The following PCCA variants were observed in gnomAD, a reference collection of about 807,000 sequenced individuals.
PCCA encodes the protein propionyl-CoA carboxylase subunit alpha, also known as propionyl-CoA carboxylase alpha chain, mitochondrial.
PCCA carries 74 observed loss-of-function variants against 101.3 expected under a neutral mutation model. The observed-to-expected ratio is 0.73, with a 90% CI of 0.61 to 0.89. The LOEUF is 0.89. Ranked by LOEUF, PCCA falls within the 40% of genes least tolerant of loss-of-function variation. The probability of loss-of-function intolerance (pLI) is 0.00; values close to 1 mark genes in which losing one functional copy is unlikely to be tolerated. For synonymous variants in PCCA, 294 were observed against 313.6 expected (o/e 0.94, Z 0.66); for missense variants, 891 against 907.0 (o/e 0.98, Z 0.23).
intron 4 of PCCA, among the ~76,000 whole-genome samples, chr13:100,138,506 C>T (rs1267629312): frequency 6.6e-6 from 1 of 152,190 alleles, no homozygotes; most frequent in Admixed American, 6.5e-5. Context: ...GCAATGTTAT[C>T]ATTTCTGTTG....
At chr13:100,093,240 TGGGCCA>T (rs1384029352) in intron 1 of PCCA, among the ~76,000 whole-genome samples, 1 of 152,182 alleles carries the variant, frequency 6.6e-6, no homozygotes, top group Non-Finnish European at 1.5e-5. Flanking sequence ...GGCTGGCTTT[TGGGCCA>T]GGGATACGAG....
At chr13:100,136,183 G>GC (rs1452492982) in intron 4 of PCCA, among the ~76,000 whole-genome samples, 1 of 102,524 alleles carries the variant, frequency 9.8e-6, no homozygotes, top group Non-Finnish European at 1.9e-5. Context: ...GTATAAAATT[G>GC]TTTTTTTTTT....
rs188429105 is a variant in PCCA at position 100,500,292 on chromosome 13, G to T, written c.1900-15135G>T. ...AGACACCAGACCAAGGGCAGTGGTG[G>T]TCTGGCGCTTATATTTTGTTATTAT... On this transcript the variant is annotated intron_variant, in intron 21 of 23. Coordinates refer to ENST00000376285, the MANE Select transcript of PCCA (RefSeq NM_000282.4). Among the ~76,000 whole-genome samples, 90 of 150,898 alleles carry T rather than the reference G, an allele frequency of 6.0e-4. 1 individual carries two copies. In the East Asian group the frequency reaches 0.015, roughly 26 times the overall value.
intron 21 of PCCA, among the ~76,000 whole-genome samples, chr13:100,484,019 C>T (rs919597710): frequency 5.3e-5 from 8 of 152,208 alleles, no homozygotes; most frequent in East Asian, 1.9e-4. Context: ...GGAAGTAATT[C>T]GTTAGCAGTG....
At chr13:100,111,308 G>A (rs774209377) in intron 2 of PCCA, among the ~76,000 whole-genome samples, 43 of 150,694 alleles carry the variant, frequency 2.9e-4, no homozygotes, top group Admixed American at 5.3e-4. Context: ...TGGATTACAG[G>A]CGTGAGCCAC....
chr13:100,435,442 T>C (rs1320652110), intron 20 of PCCA, among the ~76,000 whole-genome samples: 1 of 152,250 alleles, frequency 6.6e-6, no homozygotes, highest in East Asian at 1.9e-4. Context: ...TTTAACTTCT[T>C]TATCTGATTA....
intron 7 of PCCA, among the ~76,000 whole-genome samples, chr13:100,210,967 TTCC>T (rs766960868): frequency 2.6e-5 from 4 of 152,218 alleles, no homozygotes; most frequent in Non-Finnish European, 5.9e-5. Context: ...GGAAAGCCAG[TTCC>T]TCCTCCTACG....
chr13:100,159,216 G>A (rs1056149878), intron 6 of PCCA, among the ~76,000 whole-genome samples: 10 of 148,408 alleles, frequency 6.7e-5, no homozygotes, highest in Non-Finnish European at 1.5e-4. Context: ...TCAGCCTCCT[G>A]AGTAGCTGGG....
intron 12 of PCCA, among the ~76,000 whole-genome samples, chr13:100,295,422 C>T (rs764938473): frequency 2.2e-4 from 33 of 151,980 alleles, no homozygotes; most frequent in Non-Finnish European, 2.8e-4. Context: ...AGATAGCTTT[C>T]GAAAAAACAA....
chr13:100,401,890 C>T (rs115041469), intron 19 of PCCA, among the ~76,000 whole-genome samples: 1,619 of 151,906 alleles, frequency 0.011, 33 homozygotes, highest in African/African-American at 0.036. Flanking sequence ...TTTTTGTAGA[C>T]GTGAAAGTGA....
chr13:100,162,864 A>G (rs1295175634), intron 6 of PCCA, among the ~76,000 whole-genome samples: 1 of 152,204 alleles, frequency 6.6e-6, no homozygotes, highest in Non-Finnish European at 1.5e-5. Flanking sequence ...TAATTTTATA[A>G]TATTTTTCTA....
At chr13:100,466,789 C>T (rs745439923) in intron 21 of PCCA, among the ~76,000 whole-genome samples, 8 of 152,036 alleles carry the variant, frequency 5.3e-5, no homozygotes, top group Admixed American at 1.3e-4. Flanking sequence ...ACCCAGGAGG[C>T]GGGGGTTGCA....
At chr13:100,223,529 G>C (rs889921378) in intron 7 of PCCA, among the ~76,000 whole-genome samples, 4 of 152,156 alleles carry the variant, frequency 2.6e-5, no homozygotes, top group African/African-American at 9.7e-5. Context: ...CGCGGTGAGC[G>C]TTATAGCTCA....
At chr13:100,099,217 G>T (rs1187772055) in intron 1 of PCCA, among the ~76,000 whole-genome samples, 2 of 151,930 alleles carry the variant, frequency 1.3e-5, no homozygotes, top group Non-Finnish European at 2.9e-5. Context: ...GGCAGAAATA[G>T]TGTTCAGATT....
chr13:100,197,206 A>G (rs1216440199), intron 6 of PCCA, among the ~76,000 whole-genome samples: 1 of 151,994 alleles, frequency 6.6e-6, no homozygotes, highest in Admixed American at 6.6e-5. Context: ...CTTATCTTTT[A>G]TTTTTATATA....
intron 22 of PCCA, among the ~76,000 whole-genome samples, chr13:100,517,845 C>T (rs978322314): frequency 6.6e-6 from 1 of 152,278 alleles, no homozygotes; most frequent in Admixed American, 6.5e-5. Context: ...GAAGTTTCAT[C>T]GTCGGCTCTT....
intron 12 of PCCA, among the ~76,000 whole-genome samples, chr13:100,287,515 G>T (rs1305107928): frequency 6.6e-6 from 1 of 151,612 alleles, no homozygotes; most frequent in African/African-American, 2.4e-5. Flanking sequence ...TTATATTTTT[G>T]TCATCATTTT....
At chr13:100,302,712 T>G (rs770241417) in intron 13 of PCCA, among the ~76,000 whole-genome samples, 6 of 152,172 alleles carry the variant, frequency 3.9e-5, no homozygotes, top group Non-Finnish European at 8.8e-5. Context: ...ATGAACAAGG[T>G]CAGGCTAAAT....
At chr13:100,299,963 C>G (rs2065929019) in intron 12 of PCCA, among the ~76,000 whole-genome samples, 1 of 152,248 alleles carries the variant, frequency 6.6e-6, no homozygotes, top group African/African-American at 2.4e-5. Flanking sequence ...ATTTGCCCGT[C>G]TTGGCCTCCC....
Sources: allele counts gnomAD v4.1 joint callset (sites outside exome capture counted in the v4.1 genomes callset), GRCh38; gene constraint gnomAD v4.1.1; transcripts MANE v1.5; gene names NCBI Gene and HGNC (gene_info 2026-07-23, HGNC 2026-07-21).